Variants in NAV3 observed in about 807,000 individuals in gnomAD.
NAV3 encodes the protein neuron navigator 3.
Under a neutral mutation model 244.7 loss-of-function variants are expected in NAV3, and 87 were observed. The observed-to-expected ratio is 0.36, with a 90% confidence interval of 0.30 to 0.42. The LOEUF (loss-of-function observed/expected upper bound fraction) is 0.42. Among genes scored for constraint, NAV3 ranks in the 20% least tolerant of loss-of-function variants. The pLI is 1.00. For missense variants in NAV3, 2,663 were observed against 2,893.3 expected (o/e 0.92, Z 1.83); for synonymous variants, 1,126 against 1,042.2 (o/e 1.08, Z -1.55).
intron 2 of NAV3, among the ~76,000 whole-genome samples, chr12:77,593,152 A>G (rs1388407883): frequency 6.6e-6 from 1 of 152,100 alleles, no homozygotes; most frequent in Non-Finnish European, 1.5e-5. Context: ...AAATCAACCC[A>G]TGGGTGTCTA....
chr12:77,675,565 G>A (rs1221658129), intron 2 of NAV3, among the ~76,000 whole-genome samples: 2 of 152,160 alleles, frequency 1.3e-5, no homozygotes, highest in African/African-American at 2.4e-5. Flanking sequence ...GCTGGAGACT[G>A]CACCTAGAAA....
chr12:78,158,787 T>G (rs1957408564), intron 22 of NAV3, among the ~76,000 whole-genome samples: 1 of 152,184 alleles, frequency 6.6e-6, no homozygotes, highest in Non-Finnish European at 1.5e-5. Context: ...AAGGTCATCA[T>G]GAAAGTATAA....
intron 2 of NAV3, among the ~76,000 whole-genome samples, chr12:77,638,446 C>G (rs763101321): frequency 8.5e-5 from 13 of 152,224 alleles, no homozygotes; most frequent in Non-Finnish European, 1.3e-4. Context: ...TACATCTCAT[C>G]TGCCTTGATG....
chr12:77,885,026 TG>T (rs1883113561), intron 1 of NAV3, among the ~76,000 whole-genome samples: 4 of 152,142 alleles, frequency 2.6e-5, no homozygotes, highest in Admixed American at 2.6e-4. Context: ...TCTTTATTGT[TG>T]GAAGAGTCTA....
At chr12:77,822,148 T>G (rs2136034447) in intron 2 of NAV3, among the ~76,000 whole-genome samples, 1 of 152,320 alleles carries the variant, frequency 6.6e-6, no homozygotes, top group South Asian at 2.1e-4. Flanking sequence ...TTGATAAATT[T>G]TATTTGCTCA....
chr12:77,771,349 A>G (rs1209468424), intron 2 of NAV3, among the ~76,000 whole-genome samples: 1 of 152,216 alleles, frequency 6.6e-6, no homozygotes, highest in South Asian at 2.1e-4. Context: ...TGTGGAAGTC[A>G]GTGTGGCGAT....
intron 2 of NAV3, among the ~76,000 whole-genome samples, chr12:77,675,877 C>A (rs1264662708): frequency 6.6e-6 from 1 of 152,114 alleles, no homozygotes; most frequent in Admixed American, 6.5e-5. Context: ...CTGGTTGACA[C>A]ATGGCCTTCT....
chr12:78,185,494 C>A, intron 30 of NAV3, 107 bp from the exon 31 acceptor site: 2 of 929,866 alleles, frequency 2.2e-6, no homozygotes, highest in Non-Finnish European at 3.2e-6. Context: ...GAATGGGAAG[C>A]AAATCCCATT....
rs200464108 is a variant in NAV3, at chr12:78,007,111, A to G, written c.1573A>G (p.Ser525Gly). The G allele has an allele frequency of 8.0e-5, 129 of 1,614,044 alleles. No homozygotes were observed. The highest frequency in any genetic ancestry group is 1.1e-4 in the Non-Finnish European group (125 of 1,180,050). ...AKKESLIPSS[S>G]GIPKPGSKVP... ...GAAGGAAAGCTTAATTCCGTCTTCC[A>G]GTGGTATTCCAAAACCAGGCTCTAA... is the stretch of plus-strand genomic sequence containing the variant. Residue 525 changes from serine (S) to glycine (G), a missense_variant, in exon 8 of 40, where the codon AGT becomes GGT. Physicochemically the swap from Ser to Gly is moderately conservative, Grantham distance 56. Coordinates refer to ENST00000397909, the MANE Select transcript of NAV3 (RefSeq NM_001024383.2).
At chr12:78,041,221 C>T (rs919882322) in intron 9 of NAV3, among the ~76,000 whole-genome samples, 5 of 152,196 alleles carry the variant, frequency 3.3e-5, no homozygotes, top group African/African-American at 1.2e-4. Context: ...TTTTATTATT[C>T]TTTAAAAATA....
At chr12:77,969,496 T>C (rs1892815070) in intron 5 of NAV3, among the ~76,000 whole-genome samples, 1 of 152,094 alleles carries the variant, frequency 6.6e-6, no homozygotes, top group African/African-American at 2.4e-5. Context: ...TGAGTTGAAA[T>C]TGCAGTACGC....
At chr12:77,898,524 A>G (rs1348075459) in intron 1 of NAV3, among the ~76,000 whole-genome samples, 2 of 152,228 alleles carry the variant, frequency 1.3e-5, no homozygotes, top group Admixed American at 6.5e-5. Context: ...GTATTCATTC[A>G]GCAACTATTG....
intron 12 of NAV3, among the ~76,000 whole-genome samples, chr12:78,062,023 G>A (rs1432396694): frequency 6.6e-6 from 1 of 152,024 alleles, no homozygotes; most frequent in East Asian, 1.9e-4. Context: ...GTCTTTCATA[G>A]CAATTTTTCA....
chr12:77,851,724 G>T (rs1877561290), intron 1 of NAV3, among the ~76,000 whole-genome samples: 1 of 152,024 alleles, frequency 6.6e-6, no homozygotes, highest in Admixed American at 6.6e-5. Context: ...TATATATTAT[G>T]ATATGGTAAA....
chr12:77,811,121 A>G (rs967712104), intron 2 of NAV3, among the ~76,000 whole-genome samples: 3 of 152,226 alleles, frequency 2.0e-5, no homozygotes, highest in African/African-American at 7.2e-5. Context: ...CTAAAATACA[A>G]ATTCTAAAAC....
At chr12:77,714,694 T>A (rs1243989063) in intron 2 of NAV3, among the ~76,000 whole-genome samples, 1 of 152,194 alleles carries the variant, frequency 6.6e-6, no homozygotes, top group Non-Finnish European at 1.5e-5. Context: ...ATGAATTTCA[T>A]TTTTAATTTT....
At chr12:78,150,755 T>C (rs534233514) in intron 22 of NAV3, among the ~76,000 whole-genome samples, 2 of 151,712 alleles carry the variant, frequency 1.3e-5, no homozygotes, top group South Asian at 4.2e-4. Context: ...AATGGAGATA[T>C]AATTTTAGAA....
rs1166358763 is a variant in NAV3 at position 78,119,258 on chromosome 12, C to T, written c.3062C>T (p.Ala1021Val). The part of the protein sequence containing the change: ...KTPGKTDDAK[A>V]SEKGKAPLKG... ...TTAGGGAAAACCGATGATGCCAAAG[C>T]TTCTGAGAAAGGAAAAGCTCCCCTA... is the stretch of plus-strand genomic sequence containing the variant. Residue 1021 changes from alanine to valine, a missense_variant, in exon 15 of 40, where the codon GCT becomes GTT. By Grantham distance (64) the Ala-to-Val change is moderately conservative. Around this residue, in one of 6 missense-constraint regions of NAV3, gnomAD observed 1,521 missense variants for 1,497.0 expected, o/e 1.02. Transcript: ENST00000397909. 2.5e-6 allele frequency: 4 copies of T among 1,612,744 alleles called. No homozygotes were observed. The highest frequency in any genetic ancestry group is 2.2e-5 in the South Asian group (2 of 90,950).
intron 9 of NAV3, among the ~76,000 whole-genome samples, chr12:78,027,441 C>A (rs1275024389): frequency 1.4e-5 from 2 of 139,754 alleles, no homozygotes; most frequent in African/African-American, 5.4e-5. Context: ...AAGACCTTGT[C>A]TCCAAAAAAA....
Sources: gnomAD v4.1 joint callset for allele counts (sites outside exome capture counted in the v4.1 genomes callset) on GRCh38, gnomAD v4.1.1 for gene constraint, gnomAD v4.1.1 regional missense constraint, MANE v1.5 for transcripts, NCBI Gene and HGNC (gene_info 2026-07-23, HGNC 2026-07-21) for gene names.